AGAP1: variants seen among roughly 807,000 people sequenced by gnomAD.
The protein encoded by AGAP1 is ArfGAP with GTPase domain, ankyrin repeat and PH domain 1.
AGAP1 carries 29 observed loss-of-function variants against 105.3 expected under a neutral mutation model. The observed-to-expected ratio is 0.28, with a 90% CI of 0.21 to 0.38. The LOEUF (loss-of-function observed/expected upper bound fraction) is 0.38, where lower values mean the gene tolerates loss of function less well. Ranked by LOEUF, AGAP1 falls within the 10% of genes least tolerant of loss-of-function variation. The pLI is 1.00. For synonymous variants in AGAP1, 509 were observed against 485.9 expected (o/e 1.05, Z -0.63); for missense variants, 998 against 1,165.1 (o/e 0.86, Z 2.09).
chr2:235,814,057 C>T (rs758571108), intron 9 of AGAP1, among the ~76,000 whole-genome samples: 18 of 152,144 alleles, frequency 1.2e-4, no homozygotes, highest in African/African-American at 1.7e-4. Flanking sequence ...GACGCCCAGC[C>T]GCCTGTGTGT....
Position 235,906,569 on chromosome 2 carries a change from C to T in AGAP1, c.1156-2169C>T, listed in dbSNP as rs1224193685. On this transcript the variant is annotated intron_variant, in intron 10 of 17. Coordinates refer to ENST00000304032, the MANE Select transcript of AGAP1 (RefSeq NM_001037131.3). This position sits in a 1 kb window ranked among gnomAD's most constrained non-coding sequence, Gnocchi z 5.3. ...GAGGTTCTCCTCCCGCCCGTCCTGCCGTTGAGAATTCCTGCACCCTTTTCC... is the reference window on the plus strand; with the variant it reads ...GAGGTTCTCCTCCCGCCCGTCCTGCTGTTGAGAATTCCTGCACCCTTTTCC... Among the ~76,000 whole-genome samples, 2 of 152,134 alleles carry T rather than the reference C, an allele frequency of 1.3e-5. No homozygotes were observed. Among genetic ancestry groups the T allele is most frequent in the East Asian group, 1.9e-4 (1 of 5,176 alleles).
intron 9 of AGAP1, among the ~76,000 whole-genome samples, chr2:235,811,022 A>AT (rs1052032775): frequency 1.3e-5 from 2 of 152,072 alleles, no homozygotes; most frequent in African/African-American, 4.8e-5. Context: ...CTATGGTGCC[A>AT]TTTGCATAAA....
chr2:235,786,002 T>A (rs1296412462), intron 6 of AGAP1, among the ~76,000 whole-genome samples: 1 of 152,196 alleles, frequency 6.6e-6, no homozygotes, highest in Non-Finnish European at 1.5e-5. Flanking sequence ...AATTGCCGGG[T>A]GAGCCTTCAC....
At chr2:236,004,757 C>G (rs758662966) in intron 13 of AGAP1, among the ~76,000 whole-genome samples, 2 of 152,192 alleles carry the variant, frequency 1.3e-5, no homozygotes, top group Non-Finnish European at 2.9e-5. Context: ...AGTTGTTAAG[C>G]AGTTTAGTAG....
chr2:235,931,271 A>G lies in AGAP1; in HGVS notation c.1483+348A>G, dbSNP rs555912434. Among the ~76,000 whole-genome samples the G allele has an allele frequency of 1.3e-5, 2 of 152,052 alleles. No individual in the cohort carries two copies. Among genetic ancestry groups the G allele is most frequent in the South Asian group, 4.2e-4 (2 of 4,788 alleles). On this transcript the variant is annotated intron_variant, in intron 12 of 17. Transcript: ENST00000304032. This position sits in a 1 kb window ranked among gnomAD's most constrained non-coding sequence, Gnocchi z 5.6. ...AATAAGATCTGATTTTATCTCCCCA[A>G]TCACACTGCCCTACGTGGCGTGGCC...
intron 16 of AGAP1, among the ~76,000 whole-genome samples, chr2:236,098,611 CTTTTTTTCCTT>C (rs1415308554): frequency 1.2e-5 from 1 of 80,678 alleles, no homozygotes; most frequent in African/African-American, 6.8e-5. Flanking sequence ...TTGATGAAAT[CTTTTTTTCCTT>C]TTTTTTTTTT....
At chr2:235,524,540 G>A (rs1367813127) in intron 1 of AGAP1, 1 of 331,156 alleles carries the variant, frequency 3.0e-6, no homozygotes, top group Non-Finnish European at 6.4e-6. Flanking sequence ...GCCCCCATGG[G>A]TAAGTATAAC....
At chr2:235,683,723 G>T (rs1553604834) in intron 1 of AGAP1, among the ~76,000 whole-genome samples, 1 of 149,824 alleles carries the variant, frequency 6.7e-6, no homozygotes. Flanking sequence ...TATATTTTAA[G>T]TTCTAGGGTT....
intron 1 of AGAP1, among the ~76,000 whole-genome samples, chr2:235,545,815 GT>G (rs1943604610): frequency 6.6e-6 from 1 of 152,190 alleles, no homozygotes; most frequent in Admixed American, 6.5e-5. Context: ...GGTGCTGAAA[GT>G]TCCCCAGGCC....
At chr2:235,772,312 C>T (rs3106791) in intron 6 of AGAP1, among the ~76,000 whole-genome samples, 36,223 of 152,060 alleles carry the variant, frequency 0.24, 4,921 homozygotes, top group Admixed American at 0.39. Flanking sequence ...CTTATAATCC[C>T]GCTAATGACA....
chr2:235,670,643 G>C, intron 1 of AGAP1: 1 of 634,404 alleles, frequency 1.6e-6, no homozygotes, highest in Non-Finnish European at 2.8e-6. Context: ...CGGGAGCCTG[G>C]CCTGGGCGCC....
At chr2:235,500,878 C>T (rs967656996) in intron 1 of AGAP1, among the ~76,000 whole-genome samples, 1 of 152,134 alleles carries the variant, frequency 6.6e-6, no homozygotes, top group South Asian at 2.1e-4. Flanking sequence ...GGTCCCATGG[C>T]GGCCTGGGCA....
rs2060047279 is a variant in AGAP1, at chr2:236,128,972, G to A, written c.*4850G>A. 6.6e-6 allele frequency: 1 copy of A among 152,212 alleles called. No individual in the cohort carries two copies. Among genetic ancestry groups the A allele is most frequent in the Admixed American group, 6.5e-5 (1 of 15,284 alleles). The allele number at this position is 152,212 out of a possible 1,614,324, so 9.4% of individuals were successfully genotyped here. A position where few individuals can be genotyped will look rare whatever the true frequency, so the allele number is the denominator to read the frequency against. On this transcript the variant is annotated 3_prime_UTR_variant, in exon 18 of 18. Transcript: ENST00000304032. This position sits in a 1 kb window ranked among gnomAD's most constrained non-coding sequence, Gnocchi z 5.9. ...GGAGGAGTTCAGATAGAAAAGTGCT[G>A]GAGATACACATCTTTCCTTCAAAGG...
At position 235,751,408 on chromosome 2, in the gene AGAP1, G is replaced by T. The variant is rs1953426992; in HGVS notation, c.673+920G>T. ...GTCCCCCTGCTCTGGTGCCCAGGGG[G>T]TTGTCGGGGGCAGAGCAGGGCAGCC... On this transcript the variant is annotated intron_variant, in intron 6 of 17. Coordinates refer to ENST00000304032, the MANE Select transcript of AGAP1 (RefSeq NM_001037131.3). The surrounding 1 kb of genome is among the most constrained non-coding windows in gnomAD (Gnocchi z 5.3). 6.6e-6 allele frequency among the ~76,000 whole-genome samples: 1 copy of T among 152,064 alleles called. No individual in the cohort carries two copies. Among genetic ancestry groups the T allele is most frequent in the African/African-American group, 2.4e-5 (1 of 41,406 alleles).
intron 8 of AGAP1, among the ~76,000 whole-genome samples, chr2:235,803,171 TGTG>T (rs1378976937): frequency 3.9e-4 from 49 of 125,152 alleles, no homozygotes; most frequent in South Asian, 2.4e-3. Flanking sequence ...TGGTTGTGGT[TGTG>T]GTGATGGTGA....
In AGAP1 at chr2:235,624,531, G is replaced by A. The variant is rs545792069; in HGVS notation, c.164-84648G>A. ...TACCTGCTCTAGAATATTCCATTTA[G>A]AACTTAAAATATTTCATTACTTAAA... On this transcript the variant is annotated intron_variant, in intron 1 of 17. Coordinates refer to ENST00000304032, the MANE Select transcript of AGAP1 (RefSeq NM_001037131.3). Among the ~76,000 whole-genome samples, 306 of 152,164 alleles carry A rather than the reference G, an allele frequency of 2.0e-3. 2 individuals are homozygous for A. The highest frequency in any genetic ancestry group is 2.1e-3 in the Non-Finnish European group (141 of 68,036).
intron 16 of AGAP1, among the ~76,000 whole-genome samples, chr2:236,111,152 G>A (rs2059628023): frequency 6.6e-6 from 1 of 152,192 alleles, no homozygotes; most frequent in African/African-American, 2.4e-5. Context: ...CAAACACACA[G>A]CAGTGATAAA....
rs2057351988 is a variant in AGAP1 at position 236,035,491 on chromosome 2, A to T, written c.1646-1070A>T. Among the ~76,000 whole-genome samples the T allele has an allele frequency of 6.6e-6, 1 of 152,090 alleles. No individual in the cohort carries two copies. The highest frequency in any genetic ancestry group is 2.4e-5 in the African/African-American group (1 of 41,416). On this transcript the variant is annotated intron_variant, in intron 13 of 17. Transcript: ENST00000304032. The surrounding 1 kb of genome is among the most constrained non-coding windows in gnomAD (Gnocchi z 4.2). Reference sequence around the variant, plus strand: ...AATGTCTAACAATTGGCCAGGTGTGATGGTACACACCTGTAGTCCGAGCTA... The same window carrying T: ...AATGTCTAACAATTGGCCAGGTGTGTTGGTACACACCTGTAGTCCGAGCTA...
chr2:235,531,778 T>C (rs1181460040), intron 1 of AGAP1, among the ~76,000 whole-genome samples: 2 of 151,956 alleles, frequency 1.3e-5, no homozygotes, highest in African/African-American at 4.8e-5. Flanking sequence ...CCAGCTAATT[T>C]TTTTGTATTT....
Sources: allele counts gnomAD v4.1 joint callset (sites outside exome capture counted in the v4.1 genomes callset), GRCh38; gene constraint gnomAD v4.1.1; non-coding constraint Gnocchi (gnomAD v3.1); transcripts MANE v1.5; gene names NCBI Gene and HGNC (gene_info 2026-07-23, HGNC 2026-07-21).